STAU2: variants seen among roughly 807,000 people sequenced by gnomAD.
STAU2 encodes the protein double-stranded RNA-binding protein Staufen homolog 2.
In STAU2, 20 loss-of-function variants were observed where a neutral mutation model predicts 65.9. The observed-to-expected ratio is 0.30, with a 90% confidence interval of 0.21 to 0.44. The LOEUF (loss-of-function observed/expected upper bound fraction) is 0.44, where lower values mean the gene tolerates loss of function less well. Among genes scored for constraint, STAU2 ranks in the 20% least tolerant of loss-of-function variants. The probability of loss-of-function intolerance (pLI) is 1.00; values close to 1 mark genes in which losing one functional copy is unlikely to be tolerated. For synonymous variants in STAU2, 232 were observed against 233.9 expected (o/e 0.99, Z 0.07); for missense variants, 558 against 683.9 (o/e 0.82, Z 2.05).
chr8:73,680,087 G>A (rs1466125443), intron 5 of STAU2, among the ~76,000 whole-genome samples: 7 of 119,754 alleles, frequency 5.8e-5, no homozygotes, highest in East Asian at 2.6e-4. Flanking sequence ...CTAGCTGAAC[G>A]CTGTCATAAT....
intron 3 of STAU2, among the ~76,000 whole-genome samples, chr8:73,710,610 C>T (rs959767820): frequency 2.0e-5 from 3 of 151,940 alleles, no homozygotes; most frequent in East Asian, 1.9e-4. Context: ...TAAACTATAT[C>T]GCAAATACAA....
intron 13 of STAU2, among the ~76,000 whole-genome samples, chr8:73,482,862 C>T (rs557567642): frequency 4.2e-4 from 64 of 152,172 alleles, no homozygotes; most frequent in African/African-American, 1.5e-3. Context: ...TGTGTACTTA[C>T]ACCAAGGTTC....
chr8:73,421,363 T>C lies in STAU2; in HGVS notation c.*9A>G. The C allele has an allele frequency of 6.5e-7, 1 of 1,537,206 alleles. No individual in the cohort carries two copies. The highest frequency in any genetic ancestry group is 8.7e-7 in the Non-Finnish European group (1 of 1,146,880). ...AGGATGCGGTGGCAGCCGCGGGTTC[T>C]GGGAGCTGCTAGACGGCCGAGTTTG... On this transcript the variant is annotated 3_prime_UTR_variant, in exon 15 of 15. Coordinates refer to ENST00000524300, the MANE Select transcript of STAU2 (RefSeq NM_001164380.2).
chr8:73,459,580 C>G (rs1452143196), intron 13 of STAU2, among the ~76,000 whole-genome samples: 1 of 152,118 alleles, frequency 6.6e-6, no homozygotes, highest in Admixed American at 6.5e-5. Context: ...AGTCGCCTCT[C>G]GTTAAGGTGA....
intron 12 of STAU2, among the ~76,000 whole-genome samples, chr8:73,571,076 A>C (rs1399513978): frequency 6.6e-6 from 1 of 152,236 alleles, no homozygotes; most frequent in Admixed American, 6.5e-5. Context: ...GGGAAACAAA[A>C]AAAAGCAGGG....
At chr8:73,561,580 G>T (rs561742666) in intron 12 of STAU2, 67 of 451,166 alleles carry the variant, frequency 1.5e-4, no homozygotes, top group South Asian at 1.0e-3. Flanking sequence ...ATATAAGTCT[G>T]ACATATGACA....
chr8:73,472,776 G>A (rs1365750368), intron 13 of STAU2, among the ~76,000 whole-genome samples: 2 of 152,096 alleles, frequency 1.3e-5, no homozygotes, highest in Non-Finnish European at 2.9e-5. Context: ...AAAGGAGACA[G>A]AGAAACACAA....
chr8:73,617,248 G>A lies in STAU2; in HGVS notation c.570+44C>T, dbSNP rs775432122. 6 of 1,592,218 alleles carry A rather than the reference G, an allele frequency of 3.8e-6. No individual in the cohort carries two copies. The South Asian group carries it at 4.6e-5, about 12-fold the overall frequency. On this transcript the variant is annotated intron_variant, in intron 7 of 14. Transcript: ENST00000524300. ...ATAAAATGCTCTGATTTGTTTCACT[G>A]GGAAAGTAGAAAGAACAGACTGTCA... is the stretch of plus-strand genomic sequence containing the variant.
intron 6 of STAU2, among the ~76,000 whole-genome samples, chr8:73,642,452 G>A (rs1258568222): frequency 6.6e-6 from 1 of 152,096 alleles, no homozygotes; most frequent in East Asian, 1.9e-4. Flanking sequence ...GAACCCGGGA[G>A]GCGGAGGTCA....
chr8:73,536,285 T>A (rs1310988585), intron 13 of STAU2, among the ~76,000 whole-genome samples: 4 of 152,098 alleles, frequency 2.6e-5, no homozygotes, highest in Non-Finnish European at 5.9e-5. Context: ...GCTTTACATA[T>A]CCTTGGCTGG....
chr8:73,550,822 T>C, intron 13 of STAU2: 1 of 987,344 alleles, frequency 1.0e-6, no homozygotes, highest in Non-Finnish European at 1.2e-6. Flanking sequence ...TACCTGGCAA[T>C]AGTTTGAAAG....
chr8:73,681,145 C>T (rs1818401578), intron 5 of STAU2, among the ~76,000 whole-genome samples: 1 of 152,044 alleles, frequency 6.6e-6, no homozygotes, highest in Admixed American at 6.6e-5. Flanking sequence ...AAAAGATCAT[C>T]ACCTAGGCAC....
chr8:73,689,936 T>C lies in STAU2; in HGVS notation c.115-1123A>G, dbSNP rs916806814. Among the ~76,000 whole-genome samples the C allele has an allele frequency of 9.3e-5, 14 of 150,332 alleles. No homozygotes were observed. The East Asian group carries it at 2.7e-3, about 29-fold the overall frequency. ...AATCACAGGGAAACAACCAGAGAGA[T>C]CTAGATTATGGGACATTCTATAAAA... On this transcript the variant is annotated intron_variant, in intron 4 of 14. Transcript: ENST00000524300.
chr8:73,664,403 C>A (rs1353357904), intron 6 of STAU2, among the ~76,000 whole-genome samples: 1 of 152,222 alleles, frequency 6.6e-6, no homozygotes, highest in Non-Finnish European at 1.5e-5. Context: ...CAGTCTTTCA[C>A]TATAAAGCAT....
intron 6 of STAU2, among the ~76,000 whole-genome samples, chr8:73,666,242 CT>C (rs1817234748): frequency 6.6e-6 from 1 of 152,202 alleles, no homozygotes; most frequent in Non-Finnish European, 1.5e-5. Context: ...CATCACAATA[CT>C]TAGCAACAAA....
intron 11 of STAU2, among the ~76,000 whole-genome samples, chr8:73,587,502 G>A (rs895945298): frequency 1.3e-5 from 2 of 152,102 alleles, no homozygotes; most frequent in African/African-American, 4.8e-5. Context: ...TACAAGAGGA[G>A]GATAAAGAGC....
intron 13 of STAU2, among the ~76,000 whole-genome samples, chr8:73,451,296 C>T (rs893584351): frequency 2.6e-5 from 4 of 152,090 alleles, no homozygotes; most frequent in Admixed American, 6.6e-5. Context: ...TTCCAGTGCA[C>T]TTAATGTCTT....
At chr8:73,636,403 A>G (rs1814517566) in intron 6 of STAU2, among the ~76,000 whole-genome samples, 4 of 151,878 alleles carry the variant, frequency 2.6e-5, no homozygotes, top group South Asian at 2.1e-4. Context: ...ACATACACAC[A>G]CTTCACAGGA....
At chr8:73,705,967 G>A (rs534355903) in intron 4 of STAU2, among the ~76,000 whole-genome samples, 75 of 152,190 alleles carry the variant, frequency 4.9e-4, no homozygotes, top group African/African-American at 8.9e-4. Flanking sequence ...ACCCAAGACC[G>A]ATTAAATTAA....
Sources: gnomAD v4.1 joint callset for allele counts (sites outside exome capture counted in the v4.1 genomes callset) on GRCh38, gnomAD v4.1.1 for gene constraint, MANE v1.5 for transcripts, NCBI Gene and HGNC (gene_info 2026-07-23, HGNC 2026-07-21) for gene names.